Variants in OSBPL3 observed in about 807,000 individuals in gnomAD.
OSBPL3 encodes oxysterol binding protein like 3, also known as oxysterol-binding protein-related protein 3.
OSBPL3 carries 65 observed loss-of-function variants against 120.1 expected under a neutral mutation model. That is an observed-to-expected ratio of 0.54 (90% CI 0.44 to 0.67). The LOEUF is 0.67. OSBPL3 is among the 30% of genes least tolerant of loss of function. OSBPL3 has a pLI of 0.00. For synonymous variants in OSBPL3, 416 were observed against 402.6 expected (o/e 1.03, Z -0.40); for missense variants, 1,004 against 1,082.1 (o/e 0.93, Z 1.01).
At chr7:24,945,107 A>C (rs1813561811) in intron 1 of OSBPL3, among the ~76,000 whole-genome samples, 1 of 152,194 alleles carries the variant, frequency 6.6e-6, no homozygotes, top group Non-Finnish European at 1.5e-5. Flanking sequence ...ATCTTAAGTA[A>C]TATTATCACT....
rs929655014 is a variant in OSBPL3, at chr7:24,808,736, C to A, written c.2317+1071G>T. ...CATTGTGCCCTTACTGGGGATTAAT[C>A]CAAGACATCTAAATCTCTCTTGCCT... On this transcript the variant is annotated intron_variant, in intron 20 of 22. Coordinates refer to ENST00000313367, the MANE Select transcript of OSBPL3 (RefSeq NM_015550.4). This position sits in a 1 kb window ranked among gnomAD's most constrained non-coding sequence, Gnocchi z 4.6. Among the ~76,000 whole-genome samples the A allele has an allele frequency of 2.6e-5, 4 of 152,172 alleles. No homozygotes were observed. Among genetic ancestry groups the A allele is most frequent in the Admixed American group, 1.3e-4 (2 of 15,278 alleles).
Position 24,936,987 on chromosome 7 carries a change from T to C in OSBPL3, c.-150+42899A>G, listed in dbSNP as rs1812498803. On this transcript the variant is annotated intron_variant, in intron 1 of 22. Coordinates refer to ENST00000313367, the MANE Select transcript of OSBPL3 (RefSeq NM_015550.4). The surrounding 1 kb of genome is among the most constrained non-coding windows in gnomAD (Gnocchi z 4.2). ...TAGAAAAGGATACTGTATTAGTCCA[T>C]TCTTGTGCTGCTAATAAAGACATAC... Among the ~76,000 whole-genome samples, 1 of 152,224 alleles carries C rather than the reference T, an allele frequency of 6.6e-6. No homozygotes were observed. The highest frequency in any genetic ancestry group is 2.4e-5 in the African/African-American group (1 of 41,444).
rs1182631625 is a variant in OSBPL3 at position 24,930,940 on chromosome 7, C to T, written c.-149-38319G>A. 1.5e-4 allele frequency among the ~76,000 whole-genome samples: 23 copies of T among 152,070 alleles called. No homozygotes were observed. The highest frequency in any genetic ancestry group is 1.5e-3 in the Admixed American group (23 of 15,272). On this transcript the variant is annotated intron_variant, in intron 1 of 22. Coordinates refer to ENST00000313367, the MANE Select transcript of OSBPL3 (RefSeq NM_015550.4). The surrounding 1 kb of genome is among the most constrained non-coding windows in gnomAD (Gnocchi z 4.4). ...GAATGTGAAGATGACTTTTTTAATT[C>T]CAAAAATTATTTAACATTCTCACAG... is the stretch of plus-strand genomic sequence containing the variant.
chr7:24,856,722 C>T (rs1799884035), intron 10 of OSBPL3, among the ~76,000 whole-genome samples: 3 of 152,188 alleles, frequency 2.0e-5, no homozygotes, highest in Admixed American at 2.0e-4. Context: ...AACCTACTAT[C>T]ACAGAGCACC....
chr7:24,892,374 T>C lies in OSBPL3; in HGVS notation c.96+3A>G, dbSNP rs1267653162. 1.2e-6 allele frequency: 2 copies of C among 1,612,804 alleles called. No homozygotes were observed. The highest frequency in any genetic ancestry group is 1.7e-6 in the Non-Finnish European group (2 of 1,179,034). ...ATTAAAATTTGCATGAGTTAAACTT[T>C]ACCTGTCGACTTCCTTGCTTGGAAG... On this transcript the variant is annotated splice_donor_region_variant and intron_variant, in intron 2 of 22. Coordinates refer to ENST00000313367, the MANE Select transcript of OSBPL3 (RefSeq NM_015550.4).
At chr7:24,848,938 A>G (rs1203430944) in intron 12 of OSBPL3, 131 bp downstream of exon 12, 5 of 646,490 alleles carry the variant, frequency 7.7e-6, no homozygotes, top group East Asian at 2.7e-5. Flanking sequence ...TGTGGCCAGC[A>G]CCCAGAGGAG....
intron 15 of OSBPL3, among the ~76,000 whole-genome samples, chr7:24,832,757 G>A (rs1796552665): frequency 6.6e-6 from 1 of 152,158 alleles, no homozygotes; most frequent in African/African-American, 2.4e-5. Flanking sequence ...TTGTGGGGAA[G>A]ACAGAGCGAA....
Position 24,937,406 on chromosome 7 carries a change from T to C in OSBPL3, c.-150+42480A>G, listed in dbSNP as rs539361513. 1.3e-5 allele frequency among the ~76,000 whole-genome samples: 2 copies of C among 152,256 alleles called. No homozygotes were observed. Among genetic ancestry groups the C allele is most frequent in the Non-Finnish European group, 2.9e-5 (2 of 68,044 alleles). On this transcript the variant is annotated intron_variant, in intron 1 of 22. Coordinates refer to ENST00000313367, the MANE Select transcript of OSBPL3 (RefSeq NM_015550.4). The surrounding 1 kb of genome is among the most constrained non-coding windows in gnomAD (Gnocchi z 4.0). Reference sequence around the variant, plus strand: ...AACTATTATGAATGGGCTCATTCTGTATATAATCCCCAATTTGACTTTTAT... The same window carrying C: ...AACTATTATGAATGGGCTCATTCTGCATATAATCCCCAATTTGACTTTTAT...
intron 16 of OSBPL3, among the ~76,000 whole-genome samples, chr7:24,829,781 A>T (rs1005188583): frequency 3.3e-5 from 5 of 151,902 alleles, no homozygotes; most frequent in South Asian, 2.1e-4. Context: ...GGTTTTTTTT[A>T]AAATTTCAAT....
In OSBPL3 at chr7:24,965,692, C is replaced by T. The variant is rs1030283977; in HGVS notation, c.-150+14194G>A. Among the ~76,000 whole-genome samples the T allele has an allele frequency of 7.2e-5, 11 of 152,248 alleles. No individual in the cohort carries two copies. The highest frequency in any genetic ancestry group is 2.6e-4 in the African/African-American group (11 of 41,538). ...AATCAGAAACTGTGGGGGTGGGGCC[C>T]AGCAATCTGTTTTATTAAATAATTA... On this transcript the variant is annotated intron_variant, in intron 1 of 22. Coordinates refer to ENST00000313367, the MANE Select transcript of OSBPL3 (RefSeq NM_015550.4). The surrounding 1 kb of genome is among the most constrained non-coding windows in gnomAD (Gnocchi z 4.3).
chr7:24,845,384 T>TAAAAAAAAAAAAAAAAAAAAAAA (rs34559902), intron 12 of OSBPL3, among the ~76,000 whole-genome samples: 6 of 62,260 alleles, frequency 9.6e-5, no homozygotes, highest in Admixed American at 2.6e-4. Flanking sequence ...GCAAAATAAG[T>TAAAAAAAAAAAAAAAAAAAAAAA]AAAAAAAAAA....
chr7:24,861,614 T>C lies in OSBPL3; in HGVS notation c.1026A>G (p.Lys342=), dbSNP rs751408264. ...TAGGAAGAAAGAAAACTCATTTACC[T>C]TTATGGGCAATATGACACAGATCTT... ...MQEDLCHIAH[K]VYFTLRSAFN... is the part of the protein sequence containing the mutation. Residue 342 remains lysine (K), a splice_region_variant and synonymous_variant, in exon 10 of 23, where the codon AAA becomes AAG. Transcript: ENST00000313367. 6.3e-7 allele frequency: 1 copy of C among 1,585,042 alleles called. No homozygotes were observed. Among genetic ancestry groups the C allele is most frequent in the South Asian group, 1.2e-5 (1 of 86,132 alleles).
At chr7:24,919,386 G>A (rs1160731426) in intron 1 of OSBPL3, among the ~76,000 whole-genome samples, 3 of 151,944 alleles carry the variant, frequency 2.0e-5, no homozygotes, top group Admixed American at 6.6e-5. Context: ...TTGGAAAAAC[G>A]GCCTAGATAA....
At position 24,948,220 on chromosome 7, in the gene OSBPL3, G is replaced by A. The variant is rs139267303; in HGVS notation, c.-150+31666C>T. Among the ~76,000 whole-genome samples, 392 of 152,280 alleles carry A rather than the reference G, an allele frequency of 2.6e-3. 2 individuals carry two copies. Among genetic ancestry groups the A allele is most frequent in the African/African-American group, 8.9e-3 (371 of 41,558 alleles). On this transcript the variant is annotated intron_variant, in intron 1 of 22. Coordinates refer to ENST00000313367, the MANE Select transcript of OSBPL3 (RefSeq NM_015550.4). ...GAAAGTCTTAGGAGAAGACAGAAAA[G>A]TATTTTCAAATATTTGAAGCATTGT...
In OSBPL3 at chr7:24,815,722, C is replaced by G. The variant is rs1386792948; in HGVS notation, c.2028-519G>C. On this transcript the variant is annotated intron_variant, in intron 18 of 22. Coordinates refer to ENST00000313367, the MANE Select transcript of OSBPL3 (RefSeq NM_015550.4). This position sits in a 1 kb window ranked among gnomAD's most constrained non-coding sequence, Gnocchi z 5.1. ...CAAAACATATGCAATGTGCTAAGTA[C>G]TATTTTAGGTGTTTCATGTATATTA... Among the ~76,000 whole-genome samples, 1 of 152,162 alleles carries G rather than the reference C, an allele frequency of 6.6e-6. No individual in the cohort carries two copies. Among genetic ancestry groups the G allele is most frequent in the African/African-American group, 2.4e-5 (1 of 41,424 alleles).
chr7:24,910,026 G>A (rs1477540811), intron 1 of OSBPL3, among the ~76,000 whole-genome samples: 2 of 151,924 alleles, frequency 1.3e-5, no homozygotes, highest in Admixed American at 1.3e-4. Flanking sequence ...GGCTGGTCTC[G>A]AACTTCTGAC....
Position 24,816,512 on chromosome 7 carries a change from A to G in OSBPL3, c.2027+98T>C, listed in dbSNP as rs1044429517. ...AGATTAAAAGAAAAAATACACACTC[A>G]ATGCAACTGCCGGGGGCGGGGGTGG... On this transcript the variant is annotated intron_variant, in intron 18 of 22. Coordinates refer to ENST00000313367, the MANE Select transcript of OSBPL3 (RefSeq NM_015550.4). The G allele has an allele frequency of 6.5e-6, 5 of 767,610 alleles. No homozygotes were observed. The African/African-American group carries it at 8.7e-5, about 13-fold the overall frequency. 47.5% of individuals were successfully genotyped at this position (767,610 alleles called of 1,614,324 possible).
Position 24,883,258 on chromosome 7 carries a change from C to T in OSBPL3, c.96+9119G>A, listed in dbSNP as rs1803992232. On this transcript the variant is annotated intron_variant, in intron 2 of 22. Coordinates refer to ENST00000313367, the MANE Select transcript of OSBPL3 (RefSeq NM_015550.4). The surrounding 1 kb of genome is among the most constrained non-coding windows in gnomAD (Gnocchi z 5.4). ...ACACAGCTGAACTTGACGGTAGGGC[C>T]AGGGTGTAGGTTTTAGAGGGATATC... is the stretch of plus-strand genomic sequence containing the variant. Among the ~76,000 whole-genome samples the T allele has an allele frequency of 6.6e-6, 1 of 152,126 alleles. No homozygotes were observed. Among genetic ancestry groups the T allele is most frequent in the Non-Finnish European group, 1.5e-5 (1 of 68,028 alleles).
At chr7:24,949,163 G>C (rs902214029) in intron 1 of OSBPL3, among the ~76,000 whole-genome samples, 2 of 152,112 alleles carry the variant, frequency 1.3e-5, no homozygotes, top group African/African-American at 2.4e-5. Flanking sequence ...CACGTTAACA[G>C]AACCACATTT....
Sources: allele counts gnomAD v4.1 joint callset (sites outside exome capture counted in the v4.1 genomes callset), GRCh38; gene constraint gnomAD v4.1.1; non-coding constraint Gnocchi (gnomAD v3.1); transcripts MANE v1.5; gene names NCBI Gene and HGNC (gene_info 2026-07-23, HGNC 2026-07-21).